The following SLC9C1 variants were observed in gnomAD, a reference collection of about 807,000 sequenced individuals.
SLC9C1 encodes the protein solute carrier family 9 member C1, also known as sodium/hydrogen exchanger 10.
In SLC9C1, 97 loss-of-function variants were observed where a neutral mutation model predicts 140.9. The observed-to-expected ratio is 0.69, with a 90% CI of 0.58 to 0.82. The LOEUF (loss-of-function observed/expected upper bound fraction) is 0.82, where lower values mean the gene tolerates loss of function less well. Among genes scored for constraint, SLC9C1 ranks in the 40% least tolerant of loss-of-function variants. The pLI is 0.00. For missense variants in SLC9C1, 1,340 were observed against 1,389.3 expected (o/e 0.96, Z 0.56); for synonymous variants, 440 against 442.6 (o/e 0.99, Z 0.07).
intron 28 of SLC9C1, among the ~76,000 whole-genome samples, chr3:112,146,122 A>G (rs1367562337): frequency 2.0e-5 from 3 of 152,086 alleles, no homozygotes; most frequent in Non-Finnish European, 4.4e-5. Context: ...TGTTCATAAC[A>G]GTCTCCAAGG....
intron 10 of SLC9C1, among the ~76,000 whole-genome samples, chr3:112,250,613 G>A (rs1252976986): frequency 6.6e-6 from 1 of 152,092 alleles, no homozygotes; most frequent in Non-Finnish European, 1.5e-5. Context: ...AAAGAATGTA[G>A]ACATATAGAT....
Position 112,263,094 on chromosome 3 carries a change from GAAA to G in SLC9C1, c.1024_1026del (p.Phe342del), listed in dbSNP as rs2079823040. 6.4e-7 allele frequency: 1 copy of G among 1,564,160 alleles called. No individual in the cohort carries two copies. Among genetic ancestry groups the G allele is most frequent in the Non-Finnish European group, 8.6e-7 (1 of 1,163,198 alleles). Reference sequence around the variant, plus strand: ...ACAGGGCTTATTAAAAGAAGGGTCAGAAATCTAAAAGACAAAACAATTTTTACA... The same window carrying G: ...ACAGGGCTTATTAAAAGAAGGGTCAGTCTAAAAGACAAAACAATTTTTACA... On this transcript the variant is annotated inframe_deletion and splice_region_variant, in exon 10 of 29. Coordinates refer to ENST00000305815, the MANE Select transcript of SLC9C1 (RefSeq NM_183061.3).
intron 6 of SLC9C1, among the ~76,000 whole-genome samples, chr3:112,270,581 C>T (rs747073231): frequency 2.6e-5 from 4 of 152,174 alleles, no homozygotes; most frequent in African/African-American, 7.2e-5. Context: ...CTCGGGAGGC[C>T]GAGGTGGGCA....
At chr3:112,216,258 A>G (rs1170314543) in intron 15 of SLC9C1, among the ~76,000 whole-genome samples, 6 of 152,362 alleles carry the variant, frequency 3.9e-5, no homozygotes, top group Non-Finnish European at 7.3e-5. Context: ...AAACCCTAGA[A>G]GAAAACCTAG....
intron 28 of SLC9C1, among the ~76,000 whole-genome samples, chr3:112,143,015 T>C (rs527681434): frequency 6.6e-6 from 1 of 152,304 alleles, no homozygotes; most frequent in South Asian, 2.1e-4. Context: ...GTTAATTTGC[T>C]TAGGATAATG....
At chr3:112,149,245 G>A (rs74474172) in intron 28 of SLC9C1, among the ~76,000 whole-genome samples, 7,392 of 152,140 alleles carry the variant, frequency 0.049, 220 homozygotes, top group South Asian at 0.085. Context: ...ATGGAGCAGA[G>A]AGTCCCACTG....
chr3:112,233,791 C>A (rs1470570056), intron 12 of SLC9C1, among the ~76,000 whole-genome samples: 1 of 152,038 alleles, frequency 6.6e-6, no homozygotes, highest in African/African-American at 2.4e-5. Flanking sequence ...TCATCCATGT[C>A]CCTACAAAGG....
chr3:112,189,311 A>C (rs540576439), intron 20 of SLC9C1, among the ~76,000 whole-genome samples: 1 of 152,206 alleles, frequency 6.6e-6, no homozygotes, highest in Non-Finnish European at 1.5e-5. Context: ...GCCCATGCCT[A>C]TGTCCTTAAT....
At chr3:112,208,062 G>A (rs1492491) in intron 16 of SLC9C1, 116 bp downstream of exon 16, 74,895 of 788,904 alleles carry the variant, frequency 0.095, 3,959 homozygotes, top group East Asian at 0.21. Flanking sequence ...GAGACGTGAG[G>A]AAGAAATTCA....
chr3:112,163,238 A>AT (rs1553777242), intron 26 of SLC9C1, among the ~76,000 whole-genome samples: 2 of 146,206 alleles, frequency 1.4e-5, no homozygotes, highest in Non-Finnish European at 3.0e-5. Context: ...GGATTCATTA[A>AT]TTTTTTGAAG....
At chr3:112,203,155 A>G (rs1411746379) in intron 17 of SLC9C1, among the ~76,000 whole-genome samples, 1 of 152,034 alleles carries the variant, frequency 6.6e-6, no homozygotes, top group African/African-American at 2.4e-5. Context: ...TTCTTCTACA[A>G]TAAGCTTTCC....
In SLC9C1 at chr3:112,185,688, C is replaced by T. The variant is rs1290734365; in HGVS notation, c.2524-3430G>A. 3.2e-6 allele frequency: 5 copies of T among 1,548,460 alleles called. No homozygotes were observed. The Admixed American group carries it at 5.9e-5, about 18-fold the overall frequency. On this transcript the variant is annotated intron_variant, in intron 20 of 28. Coordinates refer to ENST00000305815, the MANE Select transcript of SLC9C1 (RefSeq NM_183061.3). Reference sequence around the variant, plus strand: ...GGGGCGGGTGCTCCGGAGGCGTGCACGCTCGTGCCACCACTTGAGCTCCTC... The same window carrying T: ...GGGGCGGGTGCTCCGGAGGCGTGCATGCTCGTGCCACCACTTGAGCTCCTC...
At chr3:112,294,051 G>C (rs989981012) in intron 1 of SLC9C1, 42 bp downstream of exon 1, 1 of 152,142 alleles carries the variant, frequency 6.6e-6, no homozygotes, top group African/African-American at 2.4e-5. Context: ...CAGTAGGAAA[G>C]GTCAACTTCC....
intron 18 of SLC9C1, 44 bp downstream of exon 18, chr3:112,202,206 G>T: frequency 1.2e-6 from 2 of 1,602,898 alleles, no homozygotes; most frequent in Non-Finnish European, 1.7e-6. Context: ...GAGGGCAACT[G>T]AGGGCTGAGT....
At chr3:112,285,308 G>A (rs1283493043) in intron 2 of SLC9C1, among the ~76,000 whole-genome samples, 3 of 152,066 alleles carry the variant, frequency 2.0e-5, no homozygotes, top group African/African-American at 7.2e-5. Context: ...GTATGATCTC[G>A]GCTCACTGCA....
At chr3:112,141,819 A>G (rs549207930) in intron 28 of SLC9C1, among the ~76,000 whole-genome samples, 1 of 152,300 alleles carries the variant, frequency 6.6e-6, no homozygotes, top group African/African-American at 2.4e-5. Context: ...TTCTAATTCC[A>G]TAATTAAATA....
At chr3:112,236,208 G>A (rs1394307869) in intron 12 of SLC9C1, among the ~76,000 whole-genome samples, 1 of 152,164 alleles carries the variant, frequency 6.6e-6, no homozygotes. Flanking sequence ...GAGGGTGCAT[G>A]TGTCGAGGAA....
chr3:112,224,609 ATAAC>A (rs889268730), intron 13 of SLC9C1, among the ~76,000 whole-genome samples: 2 of 10,086 alleles, frequency 2.0e-4, no homozygotes, highest in African/African-American at 5.2e-4. Context: ...TTATAAAAAA[ATAAC>A]TGAACAGAAA....
chr3:112,265,295 A>C (rs1050390070), intron 8 of SLC9C1, among the ~76,000 whole-genome samples: 1 of 152,084 alleles, frequency 6.6e-6, no homozygotes, highest in African/African-American at 2.4e-5. Flanking sequence ...TGGAGCAAGA[A>C]GGGGAGGAAA....
Sources: gnomAD v4.1 joint callset for allele counts (sites outside exome capture counted in the v4.1 genomes callset) on GRCh38, gnomAD v4.1.1 for gene constraint, MANE v1.5 for transcripts, NCBI Gene and HGNC (gene_info 2026-07-23, HGNC 2026-07-21) for gene names.